The following DNAH7 variants were observed in gnomAD, a reference collection of about 807,000 sequenced individuals.
The protein encoded by DNAH7 is axonemal beta dynein heavy chain 7.
DNAH7 carries 397 observed loss-of-function variants against 444.6 expected under a neutral mutation model. That is an observed-to-expected ratio of 0.89 (90% CI 0.82 to 0.97). The LOEUF is 0.97. DNAH7 is among the 50% of genes least tolerant of loss of function. The pLI is 0.00. For synonymous variants in DNAH7, 1,636 were observed against 1,624.4 expected (o/e 1.01, Z -0.17); for missense variants, 4,902 against 4,800.8 (o/e 1.02, Z -0.62).
chr2:195,926,711 AT>A, intron 21 of DNAH7, 145 bp from the exon 22 acceptor site: 1 of 603,316 alleles, frequency 1.7e-6, no homozygotes, highest in Non-Finnish European at 2.6e-6. Flanking sequence ...AAACCGTGTG[AT>A]TACAACTAAT....
intron 36 of DNAH7, among the ~76,000 whole-genome samples, chr2:195,880,672 A>G (rs1235904364): frequency 6.6e-6 from 1 of 152,202 alleles, no homozygotes; most frequent in East Asian, 1.9e-4. Flanking sequence ...TGTTAGAAAA[A>G]TTAGGGATTT....
intron 17 of DNAH7, among the ~76,000 whole-genome samples, chr2:195,962,999 T>C (rs886959253): frequency 2.6e-5 from 4 of 152,220 alleles, no homozygotes; most frequent in Non-Finnish European, 5.9e-5. Flanking sequence ...TACCACATTT[T>C]CTTTATCTAT....
intron 60 of DNAH7, 105 bp from the exon 61 acceptor site, chr2:195,771,995 C>T (rs1694863504): frequency 1.1e-6 from 1 of 923,992 alleles, no homozygotes; most frequent in Non-Finnish European, 1.7e-6. Context: ...ACATTGCTCT[C>T]TATTTTATCC....
At chr2:195,777,764 C>T (rs1324032350) in intron 59 of DNAH7, 36 bp downstream of exon 59, 3 of 1,566,234 alleles carry the variant, frequency 1.9e-6, no homozygotes, top group Admixed American at 3.6e-5. Flanking sequence ...AATTTCATGT[C>T]TTACTGCTTT....
chr2:195,764,159 G>T (rs1694468434), intron 61 of DNAH7, among the ~76,000 whole-genome samples: 1 of 151,620 alleles, frequency 6.6e-6, no homozygotes, highest in African/African-American at 2.4e-5. Context: ...AATTGATACT[G>T]AAAAAGCATT....
intron 49 of DNAH7, among the ~76,000 whole-genome samples, chr2:195,823,241 G>C (rs990258416): frequency 5.9e-5 from 9 of 152,274 alleles, no homozygotes; most frequent in South Asian, 4.1e-4. Flanking sequence ...TTAAAATTAA[G>C]TTCAAGGGTC....
At chr2:196,010,164 T>C (rs1486339313) in intron 10 of DNAH7, among the ~76,000 whole-genome samples, 1 of 151,080 alleles carries the variant, frequency 6.6e-6, no homozygotes, top group African/African-American at 2.4e-5. Flanking sequence ...TTTTTTTTTT[T>C]CTTGAGCCAG....
At chr2:195,884,013 AAAGC>A (rs1336296534) in intron 35 of DNAH7, among the ~76,000 whole-genome samples, 7 of 152,218 alleles carry the variant, frequency 4.6e-5, no homozygotes, top group Admixed American at 4.6e-4. Flanking sequence ...AGAAGGATAT[AAAGC>A]TGCCCATTGG....
chr2:195,939,564 G>C (rs533188552), intron 19 of DNAH7, among the ~76,000 whole-genome samples: 2 of 152,054 alleles, frequency 1.3e-5, no homozygotes, highest in African/African-American at 4.8e-5. Flanking sequence ...CTAGAAATTT[G>C]AATCTTAGTA....
chr2:195,886,390 A>T, intron 33 of DNAH7, 118 bp from the exon 34 acceptor site: 3 of 899,502 alleles, frequency 3.3e-6, no homozygotes, highest in Non-Finnish European at 4.9e-6. Flanking sequence ...TTTTAAATTC[A>T]TACTACCTAC....
intron 19 of DNAH7, among the ~76,000 whole-genome samples, chr2:195,942,104 T>C (rs1574837533): frequency 1.3e-5 from 2 of 152,252 alleles, no homozygotes; most frequent in South Asian, 2.1e-4. Context: ...ATAAATTATA[T>C]AGTAAGGTAG....
At chr2:195,984,841 T>C in intron 14 of DNAH7, 131 bp from the exon 15 acceptor site, 1 of 790,828 alleles carries the variant, frequency 1.3e-6, no homozygotes, top group Non-Finnish European at 2.0e-6. Context: ...TGACATCTAA[T>C]AATTAAAAGC....
intron 31 of DNAH7, among the ~76,000 whole-genome samples, chr2:195,889,281 C>CCCTT (rs1271160032): frequency 3.4e-5 from 5 of 148,306 alleles, no homozygotes; most frequent in African/African-American, 1.2e-4. Flanking sequence ...CTCCCTCCCT[C>CCCTT]CCTTCCTTCC....
intron 28 of DNAH7, among the ~76,000 whole-genome samples, chr2:195,898,662 G>A (rs1433638873): frequency 6.6e-6 from 1 of 152,206 alleles, no homozygotes; most frequent in Admixed American, 6.5e-5. Flanking sequence ...TGGAAGGGCA[G>A]AGCAGGGGAT....
intron 51 of DNAH7, 77 bp downstream of exon 51, chr2:195,816,550 AC>A: frequency 9.2e-7 from 1 of 1,083,016 alleles, no homozygotes; most frequent in Non-Finnish European, 1.3e-6. Context: ...CCACTCTGAG[AC>A]AACAATAGAG....
In DNAH7 at chr2:195,855,810, C is replaced by A. The variant is rs756398621; in HGVS notation, c.8595+1G>T. 2 of 1,612,554 alleles carry A rather than the reference C, an allele frequency of 1.2e-6. No homozygotes were observed. The highest frequency in any genetic ancestry group is 8.5e-7 in the Non-Finnish European group (1 of 1,179,430). On this transcript the variant is annotated splice_donor_variant, in intron 45 of 64. Transcript: ENST00000312428. LOFTEE classifies it high-confidence loss of function. ...CCATCTTTTTCTATATCAGCACACA[C>A]CTGGTTTTCCAGGTCAGCCTTCTTT...
chr2:195,769,797 T>C (rs1694751052), intron 61 of DNAH7, among the ~76,000 whole-genome samples: 1 of 152,100 alleles, frequency 6.6e-6, no homozygotes, highest in Non-Finnish European at 1.5e-5. Context: ...TGCTCATCAG[T>C]ACTACCAAAA....
chr2:195,907,911 T>G (rs571641216), intron 25 of DNAH7, among the ~76,000 whole-genome samples: 1 of 152,214 alleles, frequency 6.6e-6, no homozygotes, highest in South Asian at 2.1e-4. Flanking sequence ...TGGCGACAGA[T>G]CACAGAGAAC....
intron 60 of DNAH7, among the ~76,000 whole-genome samples, chr2:195,775,497 A>G (rs1424353398): frequency 6.6e-6 from 1 of 152,160 alleles, no homozygotes; most frequent in African/African-American, 2.4e-5. Flanking sequence ...ACTGCTTCCC[A>G]AGTATCTTTG....
Sources: gnomAD v4.1 joint callset for allele counts (sites outside exome capture counted in the v4.1 genomes callset) on GRCh38, gnomAD v4.1.1 for gene constraint, MANE v1.5 for transcripts, NCBI Gene and HGNC (gene_info 2026-07-23, HGNC 2026-07-21) for gene names.